PPP1R12B: variants seen among roughly 807,000 people sequenced by gnomAD.
PPP1R12B encodes protein phosphatase 1 regulatory subunit 12B, also known as myosin phosphatase target subunit 2.
Under a neutral mutation model 126.1 loss-of-function variants are expected in PPP1R12B, and 76 were observed. The observed-to-expected ratio is 0.60, with a 90% confidence interval of 0.50 to 0.73. The LOEUF is 0.73. PPP1R12B is among the 30% of genes least tolerant of loss of function. PPP1R12B has a pLI of 0.00. For synonymous variants in PPP1R12B, 356 were observed against 434.7 expected, an observed-to-expected ratio of 0.82 and a Z score of 2.25; for missense variants, 1,052 against 1,205.1, an observed-to-expected ratio of 0.87 and a Z score of 1.88.
At chr1:202,385,746 T>C (rs1305214929) in intron 1 of PPP1R12B, among the ~76,000 whole-genome samples, 1 of 152,208 alleles carries the variant, frequency 6.6e-6, no homozygotes, top group African/African-American at 2.4e-5. Flanking sequence ...CACATTTTCC[T>C]TTGTCATATT....
At chr1:202,515,152 G>A (rs1037133099) in intron 18 of PPP1R12B, among the ~76,000 whole-genome samples, 16 of 152,086 alleles carry the variant, frequency 1.1e-4, no homozygotes, top group African/African-American at 3.9e-4. Context: ...GAGGGAGGAG[G>A]GTAGGAGGAG....
Position 202,590,655 on chromosome 1 carries a change from CAA to C in PPP1R12B, c.*10096_*10097del, listed in dbSNP as rs999712946. 18 of 150,730 alleles carry C rather than the reference CAA, an allele frequency of 1.2e-4. No homozygotes were observed. The highest frequency in any genetic ancestry group is 4.2e-4 in the African/African-American group (17 of 40,948). The allele number at this position is 150,730 out of a possible 1,614,324, so 9.3% of individuals were successfully genotyped here. A position where few individuals can be genotyped will look rare whatever the true frequency, so the allele number is the denominator to read the frequency against. On this transcript the variant is annotated 3_prime_UTR_variant, in exon 24 of 24. Transcript: ENST00000608999. Reference sequence around the variant, plus strand: ...AGTTCATTACAAAATAACAATTTGACAAGAGATCAGACAAGAACAAGAGTCCA... The same window carrying C: ...AGTTCATTACAAAATAACAATTTGACGAGATCAGACAAGAACAAGAGTCCA...
rs948712957 is a variant in PPP1R12B at position 202,589,602 on chromosome 1, C to T, written c.*9042C>T. 2 of 152,268 alleles carry T rather than the reference C, an allele frequency of 1.3e-5. No homozygotes were observed. The highest frequency in any genetic ancestry group is 4.8e-5 in the African/African-American group (2 of 41,440). 9.4% of individuals were successfully genotyped at this position (152,268 alleles called of 1,614,324 possible). ...GTAAGGTCTGCAGATACAGTATCAC[C>T]TAGCCGTCACGTGGTCCAGCCCTCT... On this transcript the variant is annotated 3_prime_UTR_variant, in exon 24 of 24. Coordinates refer to ENST00000608999, the MANE Select transcript of PPP1R12B (RefSeq NM_002481.4).
intron 19 of PPP1R12B, among the ~76,000 whole-genome samples, chr1:202,561,023 TAAAAA>T (rs1246626370): frequency 1.0e-4 from 15 of 145,376 alleles, no homozygotes; most frequent in African/African-American, 4.1e-4. Flanking sequence ...AATAAAAAAA[TAAAAA>T]TAAAAAAAAT....
At position 202,588,353 on chromosome 1, in the gene PPP1R12B, A is replaced by C. The variant is rs1689948793; in HGVS notation, c.*7793A>C. The C allele has an allele frequency of 6.6e-6, 1 of 152,594 alleles. No homozygotes were observed. Among genetic ancestry groups the C allele is most frequent in the Admixed American group, 6.5e-5 (1 of 15,270 alleles). 9.5% of individuals were successfully genotyped at this position (152,594 alleles called of 1,614,324 possible). The stretch of plus-strand genomic sequence containing the variant: ...GGTGGGGTTGGGGTTGTTTAGGGAG[A>C]AGCAGCCAGACTTGCTTTGTGAACT... On this transcript the variant is annotated 3_prime_UTR_variant, in exon 24 of 24. Coordinates refer to ENST00000608999, the MANE Select transcript of PPP1R12B (RefSeq NM_002481.4).
At chr1:202,538,233 G>A (rs1487732832) in intron 18 of PPP1R12B, among the ~76,000 whole-genome samples, 1 of 152,190 alleles carries the variant, frequency 6.6e-6, no homozygotes. Flanking sequence ...GACCTCATGT[G>A]ATCCACCCAC....
intron 18 of PPP1R12B, among the ~76,000 whole-genome samples, chr1:202,546,043 G>T (rs777287578): frequency 2.6e-5 from 4 of 152,200 alleles, no homozygotes; most frequent in Non-Finnish European, 5.9e-5. Flanking sequence ...GCATATTAGA[G>T]AAATAACTTT....
intron 18 of PPP1R12B, among the ~76,000 whole-genome samples, chr1:202,536,282 G>A (rs1475360009): frequency 6.6e-6 from 1 of 152,086 alleles, no homozygotes; most frequent in Admixed American, 6.5e-5. Flanking sequence ...TACACACCTA[G>A]GCTATATGGT....
intron 18 of PPP1R12B, among the ~76,000 whole-genome samples, chr1:202,536,946 G>T (rs1218884490): frequency 6.6e-6 from 1 of 151,850 alleles, no homozygotes; most frequent in African/African-American, 2.4e-5. Context: ...TGCCTTCTTC[G>T]GAATATCTCC....
At chr1:202,526,493 G>T (rs773873813) in intron 18 of PPP1R12B, among the ~76,000 whole-genome samples, 14 of 152,104 alleles carry the variant, frequency 9.2e-5, no homozygotes, top group Non-Finnish European at 1.5e-4. Context: ...GCACAGGTGC[G>T]GGTGTGGAGT....
Position 202,507,965 on chromosome 1 carries a change from T to C in PPP1R12B, c.2490+11143T>C, listed in dbSNP as rs189982904. 4.6e-5 allele frequency among the ~76,000 whole-genome samples: 7 copies of C among 152,330 alleles called. No homozygotes were observed. The East Asian group carries it at 1.3e-3, about 29-fold the overall frequency. On this transcript the variant is annotated intron_variant, in intron 18 of 23. Transcript: ENST00000608999. ...GTCCTTTTTCAGCAAATGGAATGTT[T>C]ATAGATTTGCCCCAGCAGGAATGTT... is the stretch of plus-strand genomic sequence containing the variant.
At chr1:202,438,352 A>AG in intron 10 of PPP1R12B, 3 of 996,858 alleles carry the variant, frequency 3.0e-6, no homozygotes, top group Non-Finnish European at 4.3e-6. Context: ...GACCCCAGGT[A>AG]GGGGTCCTGG....
At chr1:202,405,013 G>GTA (rs1409160626) in intron 1 of PPP1R12B, among the ~76,000 whole-genome samples, 21 of 152,176 alleles carry the variant, frequency 1.4e-4, no homozygotes, top group African/African-American at 5.1e-4. Flanking sequence ...ACCATGTCTG[G>GTA]TATAGTACAG....
rs774036694 is a variant in PPP1R12B, at chr1:202,474,524, CGCCTCG to C, written c.1851-14003_1851-13998del. ...AACTCCTGGCCTCGGGTAATCTGCC[CGCCTCG>C]GCCTCCTAAAATGCTGGAATTATAG... On this transcript the variant is annotated intron_variant, in intron 13 of 23. Coordinates refer to ENST00000608999, the MANE Select transcript of PPP1R12B (RefSeq NM_002481.4). 6.2e-4 allele frequency among the ~76,000 whole-genome samples: 95 copies of C among 152,056 alleles called. 2 individuals carry two copies. The highest frequency in any genetic ancestry group is 3.9e-4 in the Admixed American group (6 of 15,266).
At chr1:202,505,484 T>A (rs1424126071) in intron 18 of PPP1R12B, among the ~76,000 whole-genome samples, 1 of 152,226 alleles carries the variant, frequency 6.6e-6, no homozygotes, top group Non-Finnish European at 1.5e-5. Flanking sequence ...GTGAAACCAC[T>A]TTATCTGCTG....
chr1:202,437,312 TAA>T (rs142679129), intron 9 of PPP1R12B, among the ~76,000 whole-genome samples: 3,392 of 151,946 alleles, frequency 0.022, 129 homozygotes, highest in African/African-American at 0.076. Flanking sequence ...GCCTCGGTGA[TAA>T]GAGTGAGACC....
intron 13 of PPP1R12B, among the ~76,000 whole-genome samples, chr1:202,469,577 A>G (rs1675556833): frequency 6.6e-6 from 1 of 152,180 alleles, no homozygotes; most frequent in Non-Finnish European, 1.5e-5. Flanking sequence ...TCTTGATTAC[A>G]GTGACGGTTA....
chr1:202,350,754 G>A (rs1655804012), intron 1 of PPP1R12B, among the ~76,000 whole-genome samples: 1 of 151,758 alleles, frequency 6.6e-6, no homozygotes. Context: ...CCGAGTAGCT[G>A]GGATTACAGG....
chr1:202,362,278 CCTT>C (rs1558130137), intron 1 of PPP1R12B, among the ~76,000 whole-genome samples: 2 of 152,036 alleles, frequency 1.3e-5, no homozygotes, highest in Non-Finnish European at 2.9e-5. Flanking sequence ...AATTGTTCCT[CCTT>C]GACAGTAGAT....
Sources: allele counts gnomAD v4.1 joint callset (sites outside exome capture counted in the v4.1 genomes callset), GRCh38; gene constraint gnomAD v4.1.1; transcripts MANE v1.5; gene names NCBI Gene and HGNC (gene_info 2026-07-23, HGNC 2026-07-21).